Variants in RABGAP1 observed in about 807,000 individuals in gnomAD.
RABGAP1 encodes rab GTPase-activating protein 1.
A neutral mutation model predicts 137.6 loss-of-function variants in RABGAP1; 23 were observed. The ratio of observed to expected loss-of-function variants is 0.17; its 90% confidence interval spans 0.12 to 0.24. RABGAP1 has a LOEUF of 0.24. RABGAP1 is among the 10% of genes least tolerant of loss of function. RABGAP1 has a pLI of 1.00. For missense variants in RABGAP1, 906 were observed against 1,275.8 expected, an observed-to-expected ratio of 0.71 and a Z score of 4.42; for synonymous variants, 451 against 450.7, an observed-to-expected ratio of 1.00 and a Z score of -0.01.
At chr9:122,940,334 T>G (rs1356419413), upstream of RABGAP1, 1 of 152,248 alleles carries the variant, frequency 6.6e-6, no homozygotes, top group East Asian at 1.9e-4. Flanking sequence ...CACAATCTGA[T>G]GTAACCTTGT....
intron 1 of RABGAP1, among the ~76,000 whole-genome samples, chr9:122,943,788 C>T (rs563321745): frequency 6.6e-6 from 1 of 152,190 alleles, no homozygotes; most frequent in Admixed American, 6.5e-5. Flanking sequence ...CCCGTCTCTA[C>T]TAAAAATACA....
intron 2 of RABGAP1, among the ~76,000 whole-genome samples, chr9:122,978,808 G>A (rs1021420193): frequency 1.1e-4 from 17 of 151,912 alleles, no homozygotes; most frequent in African/African-American, 3.9e-4. Flanking sequence ...AATGTACGAG[G>A]GTTTTCTAGT....
At chr9:123,075,732 G>A (rs1303362551) in intron 17 of RABGAP1, among the ~76,000 whole-genome samples, 2 of 152,198 alleles carry the variant, frequency 1.3e-5, no homozygotes, top group African/African-American at 4.8e-5. Flanking sequence ...TATTAGTTAT[G>A]GAAACTGAGG....
Position 123,010,544 on chromosome 9 carries a change from A to G in RABGAP1, c.1549+16A>G, listed in dbSNP as rs748926580. On this transcript the variant is annotated intron_variant, in intron 11 of 25. Coordinates refer to ENST00000373647, the MANE Select transcript of RABGAP1 (RefSeq NM_012197.4). The stretch of plus-strand genomic sequence containing the variant: ...GAAGAGGAAGGTAAACTGTAGGGAT[A>G]GCTTAATTTATTTTTGGGGGTGGAA... The G allele has an allele frequency of 1.9e-6, 3 of 1,602,724 alleles. No homozygotes were observed. The highest frequency in any genetic ancestry group is 2.6e-6 in the Non-Finnish European group (3 of 1,171,672).
chr9:123,010,573 C>T (rs1363265482), intron 11 of RABGAP1, 45 bp downstream of exon 11: 7 of 1,528,168 alleles, frequency 4.6e-6, no homozygotes, highest in Non-Finnish European at 6.3e-6. Flanking sequence ...GGTGGAAGAC[C>T]ATGCAAACTA....
chr9:123,044,649 G>GTGTGTGTGTA (rs1554723037), intron 13 of RABGAP1, among the ~76,000 whole-genome samples: 5 of 151,990 alleles, frequency 3.3e-5, no homozygotes, highest in African/African-American at 1.2e-4. Flanking sequence ...GTGTGTGTGT[G>GTGTGTGTGTA]TGTGTATGTG....
intron 25 of RABGAP1, among the ~76,000 whole-genome samples, chr9:123,102,726 G>A (rs1420985988): frequency 6.6e-6 from 1 of 151,802 alleles, no homozygotes; most frequent in African/African-American, 2.4e-5. Context: ...GAGAGTGTGT[G>A]GATCCAGATT....
At chr9:122,950,879 A>G (rs1282069330) in intron 1 of RABGAP1, among the ~76,000 whole-genome samples, 2 of 152,232 alleles carry the variant, frequency 1.3e-5, no homozygotes, top group Non-Finnish European at 2.9e-5. Flanking sequence ...ATAGAAGAAA[A>G]GGAACCTAAA....
At chr9:123,086,727 C>T (rs1277847246) in intron 19 of RABGAP1, among the ~76,000 whole-genome samples, 1 of 152,004 alleles carries the variant, frequency 6.6e-6, no homozygotes, top group South Asian at 2.1e-4. Flanking sequence ...AAGAGAGAGA[C>T]TGAGAAGAGG....
intron 7 of RABGAP1, 54 bp from the exon 8 acceptor site, chr9:122,996,485 A>G (rs1038366995): frequency 6.7e-6 from 10 of 1,501,068 alleles, no homozygotes; most frequent in Non-Finnish European, 9.1e-6. Flanking sequence ...CCTAATTTAA[A>G]CGTTCTTTTG....
At chr9:122,947,497 A>G (rs895115805) in intron 1 of RABGAP1, among the ~76,000 whole-genome samples, 1 of 152,256 alleles carries the variant, frequency 6.6e-6, no homozygotes, top group African/African-American at 2.4e-5. Flanking sequence ...ACTTAATCAC[A>G]ATGCAAAAAG....
intron 13 of RABGAP1, among the ~76,000 whole-genome samples, chr9:123,061,345 G>A (rs1440588596): frequency 6.6e-6 from 1 of 152,156 alleles, no homozygotes; most frequent in African/African-American, 2.4e-5. Flanking sequence ...AATCTCCTGG[G>A]CTCAAGTGGT....
chr9:122,964,924 A>G (rs1835058418), intron 2 of RABGAP1, among the ~76,000 whole-genome samples: 1 of 152,184 alleles, frequency 6.6e-6, no homozygotes, highest in Non-Finnish European at 1.5e-5. Flanking sequence ...TGAGCCAGAG[A>G]GGTCAAGGCT....
chr9:123,021,218 A>G (rs895968303), intron 13 of RABGAP1, among the ~76,000 whole-genome samples: 1 of 152,020 alleles, frequency 6.6e-6, no homozygotes, highest in Non-Finnish European at 1.5e-5. Flanking sequence ...ACAGAAGGTA[A>G]AACTTTGTCT....
rs1488477297 is a variant in RABGAP1 at position 122,981,760 on chromosome 9, G to A, written c.151-2725G>A. Among the ~76,000 whole-genome samples, 4 of 152,162 alleles carry A rather than the reference G, an allele frequency of 2.6e-5. No individual in the cohort carries two copies. In the East Asian group the frequency reaches 7.7e-4, roughly 29 times the overall value. ...ATAAAAAAGAACTTAATTGATTAAAGTATGCAGGCCGGGTGTAGTGGCTCA... is the reference window on the plus strand; with the variant it reads ...ATAAAAAAGAACTTAATTGATTAAAATATGCAGGCCGGGTGTAGTGGCTCA... On this transcript the variant is annotated intron_variant, in intron 2 of 25. Transcript: ENST00000373647.
rs573280981 is a variant in RABGAP1 at position 122,952,246 on chromosome 9, A to T, written c.-49-4765A>T. 7.3e-4 allele frequency among the ~76,000 whole-genome samples: 111 copies of T among 151,670 alleles called. 1 individual carries two copies. The highest frequency in any genetic ancestry group is 2.2e-3 in the Admixed American group (34 of 15,224). Reference sequence around the variant, plus strand: ...TTTGGGTGGCTGAGAATTTTTTTTTAAATTTTTTATTTTTTTTATTTTTAT... The same window carrying T: ...TTTGGGTGGCTGAGAATTTTTTTTTTAATTTTTTATTTTTTTTATTTTTAT... On this transcript the variant is annotated intron_variant, in intron 1 of 25. Transcript: ENST00000373647.
At chr9:123,009,429 C>A (rs1466084894) in intron 10 of RABGAP1, among the ~76,000 whole-genome samples, 1 of 152,148 alleles carries the variant, frequency 6.6e-6, no homozygotes, top group African/African-American at 2.4e-5. Flanking sequence ...TCTTATTCCC[C>A]CATCTCCCTT....
intron 1 of RABGAP1, 64 bp downstream of exon 1, chr9:122,941,157 C>T (rs560925258): frequency 6.6e-6 from 1 of 152,526 alleles, no homozygotes; most frequent in African/African-American, 2.4e-5. Flanking sequence ...GGGGTATTTT[C>T]CGACGGCCCC....
chr9:122,967,442 T>C (rs898479763), intron 2 of RABGAP1, among the ~76,000 whole-genome samples: 25 of 152,202 alleles, frequency 1.6e-4, no homozygotes, highest in Non-Finnish European at 1.3e-4. Flanking sequence ...AAGGGTATGT[T>C]ACTAGTATGA....
Sources: allele counts gnomAD v4.1 joint callset (sites outside exome capture counted in the v4.1 genomes callset), GRCh38; gene constraint gnomAD v4.1.1; transcripts MANE v1.5; gene names NCBI Gene and HGNC (gene_info 2026-07-23, HGNC 2026-07-21).